The following TAFA2 variants were observed in gnomAD, a reference collection of about 807,000 sequenced individuals.
The protein encoded by TAFA2 is TAFA chemokine like family member 2, also known as chemokine-like protein TAFA-2.
In TAFA2, 7 loss-of-function variants were observed where a neutral mutation model predicts 18.8. The observed-to-expected ratio is 0.37, with a 90% CI of 0.21 to 0.70. The LOEUF is 0.70. Ranked by LOEUF, TAFA2 falls within the 30% of genes least tolerant of loss-of-function variation. TAFA2 has a pLI of 0.53. For missense variants in TAFA2, 122 were observed against 158.1 expected, an observed-to-expected ratio of 0.77 and a Z score of 1.23; for synonymous variants, 60 against 54.2, an observed-to-expected ratio of 1.11 and a Z score of -0.47.
chr12:62,230,310 T>A (rs1282990291), intron 1 of TAFA2, among the ~76,000 whole-genome samples: 1 of 152,134 alleles, frequency 6.6e-6, no homozygotes, highest in Admixed American at 6.5e-5. Context: ...AGGTTGGTTA[T>A]CTGAAATCGT....
intron 1 of TAFA2, among the ~76,000 whole-genome samples, chr12:61,910,911 T>G (rs1343004151): frequency 1.3e-5 from 2 of 152,188 alleles, no homozygotes; most frequent in Non-Finnish European, 2.9e-5. Flanking sequence ...GACAACTCTA[T>G]TTTAGGAGGC....
intron 4 of TAFA2, among the ~76,000 whole-genome samples, chr12:61,723,529 A>C (rs12299701): frequency 7.9e-5 from 12 of 152,032 alleles, no homozygotes; most frequent in Non-Finnish European, 1.3e-4. Flanking sequence ...CTCAATCTTT[A>C]ATTTTTCTAG....
At chr12:61,990,536 T>A (rs1233891382) in intron 1 of TAFA2, among the ~76,000 whole-genome samples, 3 of 152,016 alleles carry the variant, frequency 2.0e-5, no homozygotes, top group Admixed American at 2.0e-4. Context: ...AGACGGGGTT[T>A]CACCATGTTA....
intron 1 of TAFA2, among the ~76,000 whole-genome samples, chr12:61,877,482 G>T (rs1266038642): frequency 6.6e-6 from 1 of 152,088 alleles, no homozygotes; most frequent in Non-Finnish European, 1.5e-5. Flanking sequence ...GTGAAATTAT[G>T]CCCCAAGGTG....
At chr12:62,073,553 T>C (rs767381974) in intron 1 of TAFA2, among the ~76,000 whole-genome samples, 12 of 151,956 alleles carry the variant, frequency 7.9e-5, no homozygotes, top group Admixed American at 2.0e-4. Context: ...TATAGGTAGG[T>C]GTTATTATCT....
In TAFA2 at chr12:62,019,995, T is replaced by C. The variant is rs143106302; in HGVS notation, c.-1-152569A>G. Among the ~76,000 whole-genome samples the C allele has an allele frequency of 7.2e-5, 11 of 152,340 alleles. No homozygotes were observed. In the East Asian group the frequency reaches 2.1e-3, roughly 29 times the overall value. On this transcript the variant is annotated intron_variant, in intron 1 of 4. Coordinates refer to ENST00000416284, the MANE Select transcript of TAFA2 (RefSeq NM_178539.5). ...CATTCAGACTACCTCACTATAAATA[T>C]TGAAAGACAGTCTCATCATTCAGAC... is the stretch of plus-strand genomic sequence containing the variant.
At position 62,117,806 on chromosome 12, in the gene TAFA2, T is replaced by C. The variant is rs563207048; in HGVS notation, c.-2+73453A>G. On this transcript the variant is annotated intron_variant, in intron 1 of 4. Coordinates refer to ENST00000416284, the MANE Select transcript of TAFA2 (RefSeq NM_178539.5). ...AATAGCAACAAAATAGAGCCTGCCA[T>C]GCCAACTCTTAAAATATAGCTAAAA... Among the ~76,000 whole-genome samples, 5 of 152,242 alleles carry C rather than the reference T, an allele frequency of 3.3e-5. No homozygotes were observed. The South Asian group carries it at 1.0e-3, about 32-fold the overall frequency.
At chr12:62,169,988 G>T (rs183043577) in intron 1 of TAFA2, among the ~76,000 whole-genome samples, 3 of 151,750 alleles carry the variant, frequency 2.0e-5, no homozygotes, top group African/African-American at 7.3e-5. Context: ...ATAGAAATGA[G>T]CTTACAAGCA....
At chr12:61,805,229 A>G (rs773484030) in intron 2 of TAFA2, among the ~76,000 whole-genome samples, 17 of 151,998 alleles carry the variant, frequency 1.1e-4, no homozygotes, top group Non-Finnish European at 2.2e-4. Context: ...TTTCTAATAC[A>G]TGGCACAATA....
At chr12:61,924,886 G>A (rs1356764074) in intron 1 of TAFA2, among the ~76,000 whole-genome samples, 2 of 152,162 alleles carry the variant, frequency 1.3e-5, no homozygotes, top group Non-Finnish European at 2.9e-5. Context: ...TAATGGGATG[G>A]AGGAGTATTT....
At chr12:61,735,175 A>C (rs1378075419) in intron 4 of TAFA2, among the ~76,000 whole-genome samples, 1 of 152,104 alleles carries the variant, frequency 6.6e-6, no homozygotes, top group Non-Finnish European at 1.5e-5. Flanking sequence ...TAGGCCTTTT[A>C]TAATTAGAAA....
chr12:62,122,581 G>GT (rs1870246273), intron 1 of TAFA2, among the ~76,000 whole-genome samples: 1 of 152,110 alleles, frequency 6.6e-6, no homozygotes, highest in African/African-American at 2.4e-5. Context: ...TTAATAACTT[G>GT]AGCTAGGTCA....
At chr12:62,076,769 A>G (rs73123942) in intron 1 of TAFA2, among the ~76,000 whole-genome samples, 2,003 of 152,354 alleles carry the variant, frequency 0.013, 23 homozygotes, top group Non-Finnish European at 0.022. Flanking sequence ...CACAAGGAAG[A>G]AAGATATAAT....
At chr12:61,871,004 T>G (rs1431294454) in intron 1 of TAFA2, among the ~76,000 whole-genome samples, 2 of 152,136 alleles carry the variant, frequency 1.3e-5, no homozygotes, top group Non-Finnish European at 2.9e-5. Context: ...AAGTACTTAT[T>G]GAATGTTGGT....
intron 1 of TAFA2, among the ~76,000 whole-genome samples, chr12:62,199,184 C>T (rs1026042523): frequency 6.6e-6 from 1 of 152,094 alleles, no homozygotes; most frequent in East Asian, 1.9e-4. Context: ...AGGCCACATG[C>T]CTTTTTATTT....
chr12:62,214,255 T>C (rs2062724999), intron 1 of TAFA2, among the ~76,000 whole-genome samples: 1 of 152,124 alleles, frequency 6.6e-6, no homozygotes, highest in Non-Finnish European at 1.5e-5. Flanking sequence ...TTGTGGGAGG[T>C]AATTGAATTA....
intron 4 of TAFA2, among the ~76,000 whole-genome samples, chr12:61,718,062 C>T (rs1869737352): frequency 6.6e-6 from 1 of 152,100 alleles, no homozygotes; most frequent in Non-Finnish European, 1.5e-5. Context: ...TCTAAAAGGC[C>T]TAATCATTAT....
At chr12:61,995,964 A>G (rs1880172416) in intron 1 of TAFA2, among the ~76,000 whole-genome samples, 1 of 151,900 alleles carries the variant, frequency 6.6e-6, no homozygotes, top group East Asian at 1.9e-4. Flanking sequence ...TCATGTCCCA[A>G]TAATTCTGTC....
rs575172184 is a variant in TAFA2, at chr12:61,753,776, A to AT, written c.260-31dup. On this transcript the variant is annotated intron_variant, in intron 3 of 4. Coordinates refer to ENST00000416284, the MANE Select transcript of TAFA2 (RefSeq NM_178539.5). ...AAGAGAGAAAAAAAATTGACTCAAC[A>AT]TTTTTTTCTTGGGACTTATTTCTCT... The AT allele has an allele frequency of 8.9e-6, 14 of 1,581,080 alleles. No individual in the cohort carries two copies. The South Asian group carries it at 1.3e-4, about 14-fold the overall frequency.
Sources: allele counts gnomAD v4.1 joint callset (sites outside exome capture counted in the v4.1 genomes callset), GRCh38; gene constraint gnomAD v4.1.1; transcripts MANE v1.5; gene names NCBI Gene and HGNC (gene_info 2026-07-23, HGNC 2026-07-21).